ANKRD17: variants seen among roughly 807,000 people sequenced by gnomAD.
The protein encoded by ANKRD17 is ankyrin repeat domain 17, also known as ankyrin repeat domain-containing protein 17.
In ANKRD17, 19 loss-of-function variants were observed where a neutral mutation model predicts 229.7. That is an observed-to-expected ratio of 0.08 (90% confidence interval 0.06 to 0.12). The LOEUF (loss-of-function observed/expected upper bound fraction) is 0.12. Among genes scored for constraint, ANKRD17 ranks in the 10% least tolerant of loss-of-function variants. The pLI, the probability that ANKRD17 is intolerant of heterozygous loss-of-function variation, is 1.00. For synonymous variants in ANKRD17, 1,112 were observed against 1,146.1 expected (o/e 0.97, Z 0.60); for missense variants, 2,176 against 3,176.8 (o/e 0.68, Z 7.57).
chr4:73,077,927 C>CA (rs142923373), intron 31 of ANKRD17, among the ~76,000 whole-genome samples: 21 of 150,824 alleles, frequency 1.4e-4, no homozygotes, highest in Admixed American at 3.9e-4. Context: ...ATTCACATAA[C>CA]AAAAAAAATA....
intron 24 of ANKRD17, chr4:73,113,058 G>C (rs1725514174): frequency 8.8e-7 from 1 of 1,141,598 alleles, no homozygotes; most frequent in South Asian, 1.8e-5. Context: ...AAAGTGCTGG[G>C]AATACAGGCG....
intron 22 of ANKRD17, among the ~76,000 whole-genome samples, chr4:73,117,672 T>A (rs1726138120): frequency 6.6e-6 from 1 of 152,204 alleles, no homozygotes; most frequent in Admixed American, 6.5e-5. Context: ...TGTGATTTAT[T>A]TATTAAAAAT....
At chr4:73,239,028 A>G (rs1743769626) in intron 1 of ANKRD17, among the ~76,000 whole-genome samples, 1 of 152,156 alleles carries the variant, frequency 6.6e-6, no homozygotes, top group Non-Finnish European at 1.5e-5. Flanking sequence ...AGCACTCACT[A>G]AACTATTACT....
intron 24 of ANKRD17, chr4:73,112,782 T>C (rs940567285): frequency 5.7e-5 from 43 of 751,674 alleles, no homozygotes; most frequent in African/African-American, 2.1e-4. Context: ...TTTGACCTTT[T>C]TAAAAAAATT....
At chr4:73,189,789 A>T (rs1477292203) in intron 1 of ANKRD17, among the ~76,000 whole-genome samples, 1 of 152,110 alleles carries the variant, frequency 6.6e-6, no homozygotes. Context: ...TTGTTCTTGG[A>T]TACTTGCTTA....
At chr4:73,095,109 G>A (rs576456486) in intron 27 of ANKRD17, among the ~76,000 whole-genome samples, 1 of 152,078 alleles carries the variant, frequency 6.6e-6, no homozygotes, top group African/African-American at 2.4e-5. Flanking sequence ...GGGAGATGGA[G>A]GTTGCTGTGG....
intron 1 of ANKRD17, among the ~76,000 whole-genome samples, chr4:73,187,121 C>A (rs1267646256): frequency 6.6e-6 from 1 of 152,066 alleles, no homozygotes; most frequent in African/African-American, 2.4e-5. Flanking sequence ...AAATACAGCA[C>A]CAGATGCTAG....
At chr4:73,212,833 T>C (rs996838282) in intron 1 of ANKRD17, among the ~76,000 whole-genome samples, 7 of 151,388 alleles carry the variant, frequency 4.6e-5, no homozygotes, top group South Asian at 4.2e-4. Context: ...CTGGCCAACA[T>C]TGTGAAACCC....
At chr4:73,126,261 A>AT (rs546673846) in intron 16 of ANKRD17, among the ~76,000 whole-genome samples, 20 of 152,124 alleles carry the variant, frequency 1.3e-4, no homozygotes, top group Non-Finnish European at 2.8e-4. Context: ...GTGCATGAGG[A>AT]AATTATCCCA....
chr4:73,120,985 C>G lies in ANKRD17; in HGVS notation c.3745G>C (p.Glu1249Gln). 1 of 1,613,844 alleles carries G rather than the reference C, an allele frequency of 6.2e-7. No homozygotes were observed. The highest frequency in any genetic ancestry group is 8.5e-7 in the Non-Finnish European group (1 of 1,179,930). ...GTAAGGGCAGTGTTCCGATTGGTTT[C>G]TATCTGAGCATTTATGTCAGAGCCC... is the stretch of plus-strand genomic sequence containing the variant. The part of the protein sequence containing the change: ...DMGSDINAQI[E>Q]TNRNTALTLA... Residue 1249 changes from glutamate to glutamine, a missense_variant, in exon 20 of 34, where the codon GAA becomes CAA. Around this residue, in one of 18 missense-constraint regions of ANKRD17, gnomAD observed 178 missense variants for 421.7 expected, o/e 0.42. Coordinates refer to ENST00000358602, the MANE Select transcript of ANKRD17 (RefSeq NM_032217.5).
chr4:73,156,852 AGAGT>A (rs1299956018), intron 3 of ANKRD17, among the ~76,000 whole-genome samples: 1 of 152,228 alleles, frequency 6.6e-6, no homozygotes, highest in Non-Finnish European at 1.5e-5. Context: ...TCTTTATAGC[AGAGT>A]GAGAACAGAC....
At chr4:73,153,332 T>C (rs1297117812) in intron 6 of ANKRD17, among the ~76,000 whole-genome samples, 1 of 152,038 alleles carries the variant, frequency 6.6e-6, no homozygotes, top group African/African-American at 2.4e-5. Context: ...TAATAAAAAA[T>C]TTTCTTAATT....
At chr4:73,171,178 G>GAAGAGA (rs1553928536) in intron 2 of ANKRD17, among the ~76,000 whole-genome samples, 2 of 104,446 alleles carry the variant, frequency 1.9e-5, no homozygotes, top group East Asian at 5.5e-4. Context: ...CTCAGAGGGG[G>GAAGAGA]GAGAGAGAGA....
chr4:73,084,001 C>T (rs1721843470), intron 30 of ANKRD17, among the ~76,000 whole-genome samples: 1 of 150,460 alleles, frequency 6.6e-6, no homozygotes, highest in East Asian at 2.0e-4. Context: ...TAAGCAATTT[C>T]ACATCTTTAC....
intron 1 of ANKRD17, among the ~76,000 whole-genome samples, chr4:73,193,089 T>C (rs1737353011): frequency 6.6e-6 from 1 of 152,216 alleles, no homozygotes; most frequent in African/African-American, 2.4e-5. Context: ...TAGGCAATCA[T>C]GTACCACTAC....
At chr4:73,106,143 G>A (rs1724583035) in intron 24 of ANKRD17, among the ~76,000 whole-genome samples, 1 of 152,100 alleles carries the variant, frequency 6.6e-6, no homozygotes, top group South Asian at 2.1e-4. Flanking sequence ...AAAGGGTCAA[G>A]TTAGACAGGA....
At chr4:73,229,228 CAT>C in intron 1 of ANKRD17, among the ~76,000 whole-genome samples, 1 of 152,264 alleles carries the variant, frequency 6.6e-6, no homozygotes, top group Non-Finnish European at 1.5e-5. Context: ...CACATGTATA[CAT>C]ATGTAACAAA....
chr4:73,135,779 C>T (rs1039212879), intron 15 of ANKRD17, among the ~76,000 whole-genome samples: 4 of 152,084 alleles, frequency 2.6e-5, no homozygotes, highest in African/African-American at 9.7e-5. Flanking sequence ...TAACTGCAGA[C>T]TGGGATATAG....
intron 2 of ANKRD17, among the ~76,000 whole-genome samples, chr4:73,174,542 T>C (rs1734481341): frequency 6.6e-6 from 1 of 152,086 alleles, no homozygotes; most frequent in Non-Finnish European, 1.5e-5. Context: ...ATGCCCACTT[T>C]CACTATTTCT....
Sources: allele counts gnomAD v4.1 joint callset (sites outside exome capture counted in the v4.1 genomes callset), GRCh38; gene constraint gnomAD v4.1.1; regional missense constraint gnomAD v4.1.1; transcripts MANE v1.5; gene names NCBI Gene and HGNC (gene_info 2026-07-23, HGNC 2026-07-21).